ATP2B1: variants seen among roughly 807,000 people sequenced by gnomAD.
The protein encoded by ATP2B1 is ATPase plasma membrane Ca2+ transporting 1.
In ATP2B1, 14 loss-of-function variants were observed where a neutral mutation model predicts 124.2. The ratio of observed to expected loss-of-function variants is 0.11; its 90% CI spans 0.07 to 0.18. The LOEUF is 0.18. Ranked by LOEUF, ATP2B1 falls within the 10% of genes least tolerant of loss-of-function variation. The probability of loss-of-function intolerance (pLI) is 1.00; values close to 1 mark genes in which losing one functional copy is unlikely to be tolerated. For missense variants in ATP2B1, 763 were observed against 1,466.1 expected, an observed-to-expected ratio of 0.52 and a Z score of 7.83; for synonymous variants, 449 against 492.4, an observed-to-expected ratio of 0.91 and a Z score of 1.17.
In ATP2B1 at chr12:89,603,047, A is replaced by G. The variant is rs1001630869; in HGVS notation, c.3056T>C (p.Val1019Ala). The G allele has an allele frequency of 3.1e-6, 5 of 1,613,210 alleles. No homozygotes were observed. Among genetic ancestry groups the G allele is most frequent in the African/African-American group, 1.3e-5 (1 of 74,928 alleles). Reference protein sequence around the residue: ...FCTIVLGTFVVQIIIVQFGGK... With the variant: ...FCTIVLGTFVAQIIIVQFGGK... ...CTATCTTTTCCAATTACCCACCTGTACCACAAAAGTGCCTAAAACAATTGT... is the reference window on the plus strand; with the variant it reads ...CTATCTTTTCCAATTACCCACCTGTGCCACAAAAGTGCCTAAAACAATTGT... The change falls in exon 18 of 21, where the codon GTA (valine) becomes GCA (alanine). Residue 1019 changes from valine (V) to alanine (A), a missense_variant. Physicochemically the swap from Val to Ala is moderately conservative, Grantham distance 64 (BLOSUM62 0). Transcript: ENST00000428670. The surrounding 1 kb of genome is among the most constrained non-coding windows in gnomAD (Gnocchi z 4.3).
intron 1 of ATP2B1, among the ~76,000 whole-genome samples, chr12:89,677,967 T>TGTATAC (rs1888849228): frequency 1.8e-5 from 1 of 54,540 alleles, no homozygotes; most frequent in Non-Finnish European, 4.3e-5. Context: ...TATATATATA[T>TGTATAC]ATATACACAC....
intron 9 of ATP2B1, among the ~76,000 whole-genome samples, chr12:89,623,354 CTTTT>C (rs112050233): frequency 2.8e-5 from 4 of 144,520 alleles, no homozygotes; most frequent in Non-Finnish European, 4.6e-5. Flanking sequence ...CAAGCTACAT[CTTTT>C]TTTTTTTTAT....
intron 11 of ATP2B1, among the ~76,000 whole-genome samples, 182 bp from the exon 12 acceptor site, chr12:89,617,221 A>C (rs895106658): frequency 2.0e-5 from 3 of 152,202 alleles, no homozygotes; most frequent in African/African-American, 7.2e-5. Flanking sequence ...AACAGAACTA[A>C]TATGTATGGT....
intron 1 of ATP2B1, among the ~76,000 whole-genome samples, chr12:89,675,730 T>C (rs1888524798): frequency 6.6e-6 from 1 of 152,168 alleles, no homozygotes; most frequent in Non-Finnish European, 1.5e-5. Flanking sequence ...ATATTTCACA[T>C]GACTGATAAA....
chr12:89,600,521 A>G (rs1875581787), intron 19 of ATP2B1, among the ~76,000 whole-genome samples: 1 of 152,174 alleles, frequency 6.6e-6, no homozygotes, highest in African/African-American at 2.4e-5. Flanking sequence ...AAGCTATTCA[A>G]TTCAAATCTA....
Position 89,620,245 on chromosome 12 carries a change from A to G in ATP2B1, c.1588-5T>C. 3 of 1,613,006 alleles carry G rather than the reference A, an allele frequency of 1.9e-6. No individual in the cohort carries two copies. The South Asian group carries it at 3.3e-5, about 18-fold the overall frequency. ...TCCACCCTCTTTCTCTGGTGGCTAT[A>G]AGAGAAAAACATTTAGTAGCTAGTA... On this transcript the variant is annotated splice_polypyrimidine_tract_variant and splice_region_variant and intron_variant, in intron 10 of 20. Coordinates refer to ENST00000428670, the MANE Select transcript of ATP2B1 (RefSeq NM_001366521.1).
chr12:89,672,192 C>T (rs1354721870), intron 1 of ATP2B1, among the ~76,000 whole-genome samples: 5 of 152,162 alleles, frequency 3.3e-5, no homozygotes, highest in Admixed American at 1.3e-4. Flanking sequence ...CAGTGGCTCA[C>T]GCCTGTAATC....
At chr12:89,649,285 C>CTAT (rs1884926681) in intron 2 of ATP2B1, among the ~76,000 whole-genome samples, 1 of 152,218 alleles carries the variant, frequency 6.6e-6, no homozygotes, top group African/African-American at 2.4e-5. Flanking sequence ...TAAGAGTAGC[C>CTAT]ACAGGGGCTG....
At chr12:89,682,357 G>A (rs1889457273) in intron 1 of ATP2B1, among the ~76,000 whole-genome samples, 1 of 152,146 alleles carries the variant, frequency 6.6e-6, no homozygotes, top group African/African-American at 2.4e-5. Flanking sequence ...CTGGTGTTTA[G>A]TTTAGTTTTC....
intron 1 of ATP2B1, among the ~76,000 whole-genome samples, chr12:89,674,909 T>C (rs1462369230): frequency 4.6e-5 from 7 of 152,190 alleles, no homozygotes. Flanking sequence ...AAATGTAAAA[T>C]ATTGTTCACA....
At chr12:89,702,837 C>T (rs1335661432) in intron 1 of ATP2B1, among the ~76,000 whole-genome samples, 1 of 152,032 alleles carries the variant, frequency 6.6e-6, no homozygotes, top group Non-Finnish European at 1.5e-5. Context: ...CTTAGAAATA[C>T]CAAATATTCT....
At chr12:89,623,637 T>C (rs1401918872) in intron 9 of ATP2B1, among the ~76,000 whole-genome samples, 2 of 152,138 alleles carry the variant, frequency 1.3e-5, no homozygotes, top group Non-Finnish European at 2.9e-5. Flanking sequence ...GTTGAGATGT[T>C]TGAAAATCAT....
At chr12:89,699,470 GAATAAAGA>G (rs1891557739) in intron 1 of ATP2B1, among the ~76,000 whole-genome samples, 1 of 152,162 alleles carries the variant, frequency 6.6e-6, no homozygotes, top group South Asian at 2.1e-4. Context: ...AAACCTAACA[GAATAAAGA>G]AATAAATGGT....
At chr12:89,681,381 AAT>A (rs1491228039) in intron 1 of ATP2B1, among the ~76,000 whole-genome samples, 8 of 142,024 alleles carry the variant, frequency 5.6e-5, no homozygotes, top group Admixed American at 7.0e-5. Context: ...AATCCCTATA[AAT>A]TTTTTTTTTT....
chr12:89,701,182 C>G (rs749134241), intron 1 of ATP2B1, among the ~76,000 whole-genome samples: 1 of 152,184 alleles, frequency 6.6e-6, no homozygotes, highest in African/African-American at 2.4e-5. Context: ...TAACAGTTTG[C>G]TCTCAGTTCA....
rs372171199 is a variant in ATP2B1 at position 89,645,861 on chromosome 12, GA to G, written c.209-3507del. ...GTAGTGGTAACTAACCTGCATTTTAGAAAAATCACATAAATTGCTATCTGAA... is the reference window on the plus strand; with the variant it reads ...GTAGTGGTAACTAACCTGCATTTTAGAAAATCACATAAATTGCTATCTGAA... On this transcript the variant is annotated intron_variant, in intron 2 of 20. Transcript: ENST00000428670. Among the ~76,000 whole-genome samples, 918 of 152,224 alleles carry G rather than the reference GA, an allele frequency of 6.0e-3. 15 individuals are homozygous for G. The highest frequency in any genetic ancestry group is 0.022 in the African/African-American group (897 of 41,542).
At chr12:89,625,016 A>AAC (rs1321329047) in intron 8 of ATP2B1, among the ~76,000 whole-genome samples, 1 of 152,132 alleles carries the variant, frequency 6.6e-6, no homozygotes, top group Non-Finnish European at 1.5e-5. Context: ...TCACGCCTGT[A>AAC]ATCCCCAGCA....
intron 1 of ATP2B1, among the ~76,000 whole-genome samples, chr12:89,699,688 A>T (rs1205288693): frequency 6.6e-6 from 1 of 152,244 alleles, no homozygotes; most frequent in African/African-American, 2.4e-5. Flanking sequence ...TCCTTAACAT[A>T]TCATGGAGTA....
chr12:89,672,007 A>G (rs562141722), intron 1 of ATP2B1, among the ~76,000 whole-genome samples: 2 of 152,298 alleles, frequency 1.3e-5, no homozygotes, highest in East Asian at 3.9e-4. Context: ...GAGATACCTC[A>G]GTATCATCAT....
Sources: allele counts gnomAD v4.1 joint callset (sites outside exome capture counted in the v4.1 genomes callset), GRCh38; gene constraint gnomAD v4.1.1; non-coding constraint Gnocchi (gnomAD v3.1); transcripts MANE v1.5; gene names NCBI Gene and HGNC (gene_info 2026-07-23, HGNC 2026-07-21).